The following ABCC6 variants were observed in gnomAD, a reference collection of about 807,000 sequenced individuals.
The protein encoded by ABCC6 is ATP-binding cassette sub-family C member 6.
Under a neutral mutation model 169.5 loss-of-function variants are expected in ABCC6, and 126 were observed. The observed-to-expected ratio is 0.74, with a 90% CI of 0.64 to 0.86. The LOEUF (loss-of-function observed/expected upper bound fraction) is 0.86. ABCC6 is among the 40% of genes least tolerant of loss of function. The pLI is 0.00. For synonymous variants in ABCC6, 752 were observed against 814.7 expected (o/e 0.92, Z 1.31); for missense variants, 1,733 against 1,927.2 (o/e 0.90, Z 1.89).
At chr16:16,177,691 C>T in intron 18 of ABCC6, 65 bp from the exon 19 acceptor site, 2 of 1,592,608 alleles carry the variant, frequency 1.3e-6, no homozygotes, top group South Asian at 2.2e-5. Context: ...GCCTGTAATC[C>T]CAACACTTTG....
chr16:16,170,443 T>C (rs984345934), intron 21 of ABCC6, among the ~76,000 whole-genome samples: 1 of 152,046 alleles, frequency 6.6e-6, no homozygotes, highest in African/African-American at 2.4e-5. Flanking sequence ...GGCATGTGTC[T>C]CTCCTTATAA....
intron 9 of ABCC6, among the ~76,000 whole-genome samples, chr16:16,198,415 C>T (rs2048126556): frequency 6.6e-6 from 1 of 152,202 alleles, no homozygotes; most frequent in Non-Finnish European, 1.5e-5. Context: ...TGCACGAAAA[C>T]ACCAGATTAA....
At chr16:16,150,844 A>C in intron 29 of ABCC6, 72 bp from the exon 30 acceptor site, 2 of 1,573,662 alleles carry the variant, frequency 1.3e-6, no homozygotes, top group Non-Finnish European at 1.7e-6. Flanking sequence ...TGTGCCCAGA[A>C]ACAGGTCCCT....
At chr16:16,159,181 T>C (rs114619510) in intron 26 of ABCC6, among the ~76,000 whole-genome samples, 2,415 of 152,338 alleles carry the variant, frequency 0.016, 61 homozygotes, top group African/African-American at 0.047. Flanking sequence ...ATTATGTTAC[T>C]ATCATGTTGC....
intron 9 of ABCC6, among the ~76,000 whole-genome samples, chr16:16,199,237 A>G (rs1311627238): frequency 1.3e-5 from 2 of 148,930 alleles, no homozygotes; most frequent in African/African-American, 4.9e-5. Flanking sequence ...TTCCAGTTAA[A>G]TTAAGACATG....
chr16:16,203,336 A>G (rs1270090919), intron 8 of ABCC6, 74 bp downstream of exon 8: 10 of 1,603,548 alleles, frequency 6.2e-6, no homozygotes, highest in Middle Eastern at 1.7e-4. Flanking sequence ...AGGAGAGCTG[A>G]AGCCCCCTGG....
At chr16:16,167,595 A>G (rs1192205247) in intron 22 of ABCC6, among the ~76,000 whole-genome samples, 1 of 152,142 alleles carries the variant, frequency 6.6e-6, no homozygotes, top group Non-Finnish European at 1.5e-5. Flanking sequence ...TCAGCCTCCC[A>G]AGTAGCTGGG....
At chr16:16,157,868 GGCCCACCTCTA>G in intron 26 of ABCC6, 59 bp from the exon 27 acceptor site, 2 of 1,557,874 alleles carry the variant, frequency 1.3e-6, no homozygotes, top group South Asian at 2.3e-5. Flanking sequence ...CACACAAGAT[GGCCCACCTCTA>G]TCAGCTTCAG....
intron 2 of ABCC6, among the ~76,000 whole-genome samples, chr16:16,220,731 A>G (rs2049042736): frequency 6.6e-6 from 1 of 152,094 alleles, no homozygotes; most frequent in South Asian, 2.1e-4. Flanking sequence ...CCCTGTTTCT[A>G]CTAAAAATAC....
chr16:16,198,658 GC>G (rs1295670372), intron 9 of ABCC6, among the ~76,000 whole-genome samples: 1 of 151,346 alleles, frequency 6.6e-6, no homozygotes, highest in Non-Finnish European at 1.5e-5. Context: ...AAACCAGCCC[GC>G]GCGACATAGT....
intron 13 of ABCC6, among the ~76,000 whole-genome samples, chr16:16,188,379 G>A (rs2047724508): frequency 6.6e-6 from 1 of 152,052 alleles, no homozygotes; most frequent in South Asian, 2.1e-4. Context: ...GTGACAGAGT[G>A]AGACTCCATC....
chr16:16,163,635 C>T (rs2046795094), intron 23 of ABCC6, among the ~76,000 whole-genome samples: 1 of 152,136 alleles, frequency 6.6e-6, no homozygotes, highest in Admixed American at 6.5e-5. Flanking sequence ...AGGCAGTTGG[C>T]CAAGTCAGTT....
At chr16:16,197,850 A>G (rs938401167) in intron 10 of ABCC6, among the ~76,000 whole-genome samples, 171 bp downstream of exon 10, 8 of 151,626 alleles carry the variant, frequency 5.3e-5, no homozygotes, top group Admixed American at 5.3e-4. Context: ...TCTGACACCA[A>G]CCTGGTTCTC....
At position 16,157,777 on chromosome 16, in the gene ABCC6, C is replaced by A; in HGVS notation, c.3768G>T (p.Gln1256His). ...TCTGCCCGCCCTGAGGCCAGGGGGG[C>A]TGAGCTGCACATGTGGGCAGCCTCC... ...APWRLPTCAA[Q>H]PPWPQGGQIE... The change falls in exon 27 of 31, where the codon CAG becomes CAT. Residue 1256 changes from glutamine to histidine, a missense_variant. By Grantham distance (24) the Gln-to-His change is conservative. Coordinates refer to ENST00000205557, the MANE Select transcript of ABCC6 (RefSeq NM_001171.6). 6.2e-7 allele frequency: 1 copy of A among 1,613,264 alleles called. No homozygotes were observed. The highest frequency in any genetic ancestry group is 8.5e-7 in the Non-Finnish European group (1 of 1,179,990).
rs746907867 is a variant in ABCC6 at position 16,197,997 on chromosome 16, T to TC, written c.1338+23dup. The TC allele has an allele frequency of 6.2e-6, 10 of 1,611,030 alleles. No homozygotes were observed. The Admixed American group carries it at 1.7e-4, about 27-fold the overall frequency. ...GAGGGGGTGGGGGACTCCGTTCAAATCCCGTCTTCCTCCTCTGGCATACCT... is the reference window on the plus strand; with the variant it reads ...GAGGGGGTGGGGGACTCCGTTCAAATCCCCGTCTTCCTCCTCTGGCATACCT... On this transcript the variant is annotated intron_variant, in intron 10 of 30. Transcript: ENST00000205557.
At chr16:16,172,128 A>G (rs75254696) in intron 21 of ABCC6, among the ~76,000 whole-genome samples, 857 of 13,798 alleles carry the variant, frequency 0.062, 1 homozygote, top group Middle Eastern at 0.12. Context: ...GGATAAATGA[A>G]TGGATGGGAT....
Position 16,157,731 on chromosome 16 carries a change from G to C in ABCC6, c.3814C>G (p.Leu1272Val). The stretch of plus-strand genomic sequence containing the variant: ...AGCGGGAGCTCAGGTCGGTATCTTA[G>C]CCCAAAGTCCCGGAACTCGATCTGC... ...GGQIEFRDFGLRYRPELPLAV... is the reference protein window; with the variant it reads ...GGQIEFRDFGVRYRPELPLAV... Residue 1272 changes from leucine to valine, a missense_variant, in exon 27 of 31, where the codon CTA (leucine) becomes GTA (valine). Coordinates refer to ENST00000205557, the MANE Select transcript of ABCC6 (RefSeq NM_001171.6). The C allele has an allele frequency of 6.2e-7, 1 of 1,614,014 alleles. No homozygotes were observed. Among genetic ancestry groups the C allele is most frequent in the South Asian group, 1.1e-5 (1 of 91,080 alleles).
chr16:16,194,594 T>C (rs1258489088), intron 10 of ABCC6, among the ~76,000 whole-genome samples: 1 of 152,212 alleles, frequency 6.6e-6, no homozygotes, highest in African/African-American at 2.4e-5. Context: ...CACAGGTTAT[T>C]TGGACCCATT....
intron 27 of ABCC6, among the ~76,000 whole-genome samples, chr16:16,156,015 A>G (rs1003645218): frequency 6.6e-6 from 1 of 152,210 alleles, no homozygotes; most frequent in Non-Finnish European, 1.5e-5. Context: ...TCCCAGGTTC[A>G]AGCAATTCTC....
Sources: gnomAD v4.1 joint callset for allele counts (sites outside exome capture counted in the v4.1 genomes callset) on GRCh38, gnomAD v4.1.1 for gene constraint, MANE v1.5 for transcripts, NCBI Gene and HGNC (gene_info 2026-07-23, HGNC 2026-07-21) for gene names.